Variants in RTTN observed in about 807,000 individuals in gnomAD.
RTTN encodes the protein rotatin.
In RTTN, 182 loss-of-function variants were observed where a neutral mutation model predicts 269.2. That is an observed-to-expected ratio of 0.68 (90% confidence interval 0.60 to 0.76). The LOEUF is 0.76. Among genes scored for constraint, RTTN ranks in the 30% least tolerant of loss-of-function variants. The pLI is 0.00. For synonymous variants in RTTN, 1,006 were observed against 963.5 expected, an observed-to-expected ratio of 1.04 and a Z score of -0.82; for missense variants, 2,545 against 2,608.6, an observed-to-expected ratio of 0.98 and a Z score of 0.53.
intron 31 of RTTN, among the ~76,000 whole-genome samples, chr18:70,087,773 G>C (rs1281055225): frequency 6.6e-6 from 1 of 152,062 alleles, no homozygotes; most frequent in Non-Finnish European, 1.5e-5. Context: ...TTAAAATATA[G>C]TATATTCCGA....
chr18:70,142,935 G>C (rs1241717670), intron 18 of RTTN, among the ~76,000 whole-genome samples: 1 of 152,190 alleles, frequency 6.6e-6, no homozygotes, highest in African/African-American at 2.4e-5. Context: ...TGAGACAGGA[G>C]AATCGCTTGA....
intron 37 of RTTN, among the ~76,000 whole-genome samples, chr18:70,054,516 A>T (rs760660638): frequency 1.5e-4 from 23 of 152,222 alleles, no homozygotes; most frequent in Non-Finnish European, 3.1e-4. Flanking sequence ...TTCAAAGTCA[A>T]GTTTTGAATT....
chr18:70,071,317 G>T (rs896497817), intron 34 of RTTN, among the ~76,000 whole-genome samples: 1 of 152,078 alleles, frequency 6.6e-6, no homozygotes, highest in Admixed American at 6.6e-5. Flanking sequence ...AAGTTTGAAA[G>T]ATCACATATT....
intron 35 of RTTN, among the ~76,000 whole-genome samples, chr18:70,061,776 G>A (rs1467500602): frequency 6.6e-6 from 1 of 152,176 alleles, no homozygotes; most frequent in Non-Finnish European, 1.5e-5. Context: ...GGCAACTGCA[G>A]TGAACTATGA....
chr18:70,039,479 A>T (rs911743310), intron 40 of RTTN, among the ~76,000 whole-genome samples: 12 of 152,186 alleles, frequency 7.9e-5, no homozygotes, highest in Non-Finnish European at 1.6e-4. Flanking sequence ...TCCTTCAAGT[A>T]TGAAGAGAAA....
intron 37 of RTTN, among the ~76,000 whole-genome samples, chr18:70,054,648 T>C (rs569994367): frequency 2.0e-5 from 3 of 152,112 alleles, no homozygotes; most frequent in African/African-American, 7.2e-5. Context: ...GCCTGGGCAA[T>C]ACGGTGAGAT....
chr18:70,134,583 T>A (rs773686785), intron 22 of RTTN, 42 bp from the exon 23 acceptor site: 3 of 1,424,940 alleles, frequency 2.1e-6, no homozygotes, highest in Non-Finnish European at 1.9e-6. Flanking sequence ...AACAACTGAG[T>A]AGACCAAGTT....
intron 31 of RTTN, among the ~76,000 whole-genome samples, 177 bp from the exon 32 acceptor site, chr18:70,086,861 T>C (rs1220230726): frequency 6.6e-6 from 1 of 152,140 alleles, no homozygotes; most frequent in East Asian, 1.9e-4. Flanking sequence ...GTATTTCTTG[T>C]TAGGTGATGA....
intron 11 of RTTN, among the ~76,000 whole-genome samples, chr18:70,172,785 C>T (rs945563644): frequency 5.9e-5 from 9 of 151,828 alleles, no homozygotes; most frequent in Non-Finnish European, 1.3e-4. Flanking sequence ...CAAATAAGCA[C>T]ATAGATGAAA....
In RTTN at chr18:70,004,197, T is replaced by A. The variant is rs939906038; in HGVS notation, c.6635A>T (p.Tyr2212Phe). 1 of 1,613,838 alleles carries A rather than the reference T, an allele frequency of 6.2e-7. No homozygotes were observed. ...CACGAGGTTTTCAAGACATTTCAAATAATAGGCATTTAGAGGGTTTGCTTC... is the reference window on the plus strand; with the variant it reads ...CACGAGGTTTTCAAGACATTTCAAAAAATAGGCATTTAGAGGGTTTGCTTC... ...NSEANPLNAY[Y>F]LKCLENLVQL... is the part of the protein sequence containing the mutation. Residue 2212 changes from tyrosine to phenylalanine, a missense_variant, in exon 49 of 49, where the codon TAT becomes TTT. Coordinates refer to ENST00000640769, the MANE Select transcript of RTTN (RefSeq NM_173630.4).
At chr18:70,100,705 C>T (rs1286926920) in intron 28 of RTTN, among the ~76,000 whole-genome samples, 1 of 152,182 alleles carries the variant, frequency 6.6e-6, no homozygotes, top group Non-Finnish European at 1.5e-5. Flanking sequence ...ATGATATTGG[C>T]TGTGGGTCTG....
At chr18:70,068,499 G>A (rs949358263) in intron 34 of RTTN, among the ~76,000 whole-genome samples, 3 of 152,198 alleles carry the variant, frequency 2.0e-5, no homozygotes, top group Admixed American at 1.3e-4. Flanking sequence ...CCTTGTTTGC[G>A]AGGAGAGGCT....
At chr18:70,006,058 T>C (rs527531627) in intron 47 of RTTN, 10 of 205,608 alleles carry the variant, frequency 4.9e-5, no homozygotes, top group African/African-American at 2.3e-4. Flanking sequence ...TACTTTAAGA[T>C]GTGTTTTCCC....
chr18:70,153,878 T>C (rs1160259020), intron 14 of RTTN, among the ~76,000 whole-genome samples: 2 of 152,158 alleles, frequency 1.3e-5, no homozygotes, highest in African/African-American at 4.8e-5. Context: ...TAAAACCACA[T>C]TGCACTATAC....
intron 14 of RTTN, among the ~76,000 whole-genome samples, chr18:70,159,866 G>T (rs891718724): frequency 6.6e-6 from 1 of 151,748 alleles, no homozygotes; most frequent in Non-Finnish European, 1.5e-5. Context: ...CCCAAGATTG[G>T]ACCAGAAAGA....
At chr18:70,193,265 C>G in intron 8 of RTTN, 23 bp downstream of exon 8, 1 of 1,593,406 alleles carries the variant, frequency 6.3e-7, no homozygotes, top group Non-Finnish European at 8.5e-7. Context: ...TCTCATTTCC[C>G]CAGAGACACT....
chr18:70,194,930 T>C (rs190908591), intron 7 of RTTN, among the ~76,000 whole-genome samples: 1 of 152,286 alleles, frequency 6.6e-6, no homozygotes, highest in Admixed American at 6.5e-5. Flanking sequence ...CTTAAAAATG[T>C]TTATAATGGC....
Position 70,188,199 on chromosome 18 carries a change from A to G in RTTN, c.1214T>C (p.Val405Ala). ...CATATCCTCTGTAAGCAATTCCAGA[A>G]CTCTTATTATCACTTGTCTGCTACC... is the stretch of plus-strand genomic sequence containing the variant. ...RTGSRQVIIR[V>A]LELLTEDMTL... Residue 405 changes from valine to alanine, a missense_variant, in exon 10 of 49, where the codon GTT becomes GCT. Transcript: ENST00000640769. The G allele has an allele frequency of 6.2e-7, 1 of 1,605,460 alleles. No homozygotes were observed. The highest frequency in any genetic ancestry group is 1.7e-4 in the Middle Eastern group (1 of 5,922).
rs1000707166 is a variant in RTTN, at chr18:70,196,641, A to T, written c.701T>A (p.Leu234Ter). ...TCCAAAGGCCAGTTTCAACAGAGAT[A>T]AAAGGCTCTGAAATCAAGAAGAGCC... Reference protein sequence around the residue: ...LQRPKIVQSLLSLLKLAFGDG... With the variant: ...LQRPKIVQSL Residue 234 changes from leucine (L) to a stop codon, truncating the protein, a stop_gained, in exon 7 of 49, where the codon TTA becomes TAA. Transcript: ENST00000640769. LOFTEE classifies it high-confidence loss of function. 5.0e-6 allele frequency: 8 copies of T among 1,609,616 alleles called. No individual in the cohort carries two copies. Among genetic ancestry groups the T allele is most frequent in the Non-Finnish European group, 6.8e-6 (8 of 1,178,776 alleles).
Sources: gnomAD v4.1 joint callset for allele counts (sites outside exome capture counted in the v4.1 genomes callset) on GRCh38, gnomAD v4.1.1 for gene constraint, MANE v1.5 for transcripts, NCBI Gene and HGNC (gene_info 2026-07-23, HGNC 2026-07-21) for gene names.